PCOLCE2: variants seen among roughly 807,000 people sequenced by gnomAD.
PCOLCE2 encodes the protein procollagen C-endopeptidase enhancer 2.
PCOLCE2 carries 42 observed loss-of-function variants against 47.0 expected under a neutral mutation model. That is an observed-to-expected ratio of 0.89 (90% CI 0.70 to 1.16). The LOEUF (loss-of-function observed/expected upper bound fraction) is 1.16, where lower values mean the gene tolerates loss of function less well. Ranked by LOEUF, PCOLCE2 falls within the 50% of genes most tolerant of loss-of-function variation. The probability of loss-of-function intolerance (pLI) is 0.00; values close to 1 mark genes in which losing one functional copy is unlikely to be tolerated. For missense variants in PCOLCE2, 500 were observed against 526.1 expected (o/e 0.95, Z 0.49); for synonymous variants, 169 against 191.7 (o/e 0.88, Z 0.98).
intron 2 of PCOLCE2, among the ~76,000 whole-genome samples, chr3:142,882,134 A>G (rs1933633765): frequency 6.6e-6 from 1 of 151,600 alleles, no homozygotes; most frequent in Admixed American, 6.6e-5. Context: ...GGCTCAAGAG[A>G]TCCTCTCATC....
chr3:142,849,747 T>C (rs1937369381), intron 2 of PCOLCE2, among the ~76,000 whole-genome samples: 1 of 152,172 alleles, frequency 6.6e-6, no homozygotes, highest in South Asian at 2.1e-4. Context: ...ATAACAAAAC[T>C]CAGTGATTAA....
chr3:142,843,455 G>A (rs1047586535), intron 3 of PCOLCE2: 1 of 312,800 alleles, frequency 3.2e-6, no homozygotes, highest in Non-Finnish European at 6.2e-6. Context: ...GATATAGACA[G>A]CTCTCATTAC....
intron 5 of PCOLCE2, among the ~76,000 whole-genome samples, chr3:142,832,117 T>C (rs1319149062): frequency 6.6e-6 from 1 of 152,254 alleles, no homozygotes; most frequent in Non-Finnish European, 1.5e-5. Context: ...ATAGTCTTCC[T>C]GTCCTTCAGT....
At chr3:142,852,858 A>G (rs960814924) in intron 2 of PCOLCE2, among the ~76,000 whole-genome samples, 7 of 151,570 alleles carry the variant, frequency 4.6e-5, no homozygotes, top group Admixed American at 2.6e-4. Context: ...TAATCTTAAT[A>G]CTTTGGGAGG....
chr3:142,865,991 AT>A (rs1933275371), intron 2 of PCOLCE2, among the ~76,000 whole-genome samples: 2 of 152,222 alleles, frequency 1.3e-5, no homozygotes, highest in African/African-American at 4.8e-5. Context: ...GAGTCCAGAA[AT>A]AGACCCACAC....
At chr3:142,871,005 T>C (rs1176823450) in intron 2 of PCOLCE2, among the ~76,000 whole-genome samples, 1 of 152,210 alleles carries the variant, frequency 6.6e-6, no homozygotes, top group Non-Finnish European at 1.5e-5. Flanking sequence ...GGGTCTAATG[T>C]ATAGCTGAGC....
chr3:142,839,233 A>G (rs75650836), intron 4 of PCOLCE2, among the ~76,000 whole-genome samples: 2,801 of 152,302 alleles, frequency 0.018, 37 homozygotes, highest in Non-Finnish European at 0.03. Context: ...TAAGACTATA[A>G]TTGGTTTTGG....
Position 142,851,997 on chromosome 3 carries a change from A to G in PCOLCE2, c.193-3525T>C, listed in dbSNP as rs558951663. ...AATGAAAATTTGAGAATGAGACACA[A>G]ATATGATCAGCAATAGAAACTGGGT... On this transcript the variant is annotated intron_variant, in intron 2 of 8. Coordinates refer to ENST00000295992, the MANE Select transcript of PCOLCE2 (RefSeq NM_013363.4). Among the ~76,000 whole-genome samples, 5 of 152,312 alleles carry G rather than the reference A, an allele frequency of 3.3e-5. No homozygotes were observed. In the East Asian group the frequency reaches 7.7e-4, roughly 23 times the overall value.
At chr3:142,878,629 C>T (rs544505400) in intron 2 of PCOLCE2, among the ~76,000 whole-genome samples, 19 of 152,224 alleles carry the variant, frequency 1.2e-4, no homozygotes, top group African/African-American at 2.6e-4. Context: ...GAGACCAAGG[C>T]GGGCCGACTG....
In PCOLCE2 at chr3:142,842,800, C is replaced by G; in HGVS notation, c.573+124G>C. On this transcript the variant is annotated intron_variant, in intron 4 of 8. Coordinates refer to ENST00000295992, the MANE Select transcript of PCOLCE2 (RefSeq NM_013363.4). The surrounding 1 kb of genome is among the most constrained non-coding windows in gnomAD (Gnocchi z 4.1). ...AGAAATACCTGTGTCCAGGAACCTT[C>G]CTCTTCTTGTATCCCTTAGCTCTCG... is the stretch of plus-strand genomic sequence containing the variant. 1.1e-6 allele frequency: 1 copy of G among 902,354 alleles called. No individual in the cohort carries two copies. The highest frequency in any genetic ancestry group is 2.5e-5 in the East Asian group (1 of 40,540). 55.9% of individuals were successfully genotyped at this position (902,354 alleles called of 1,614,324 possible). A position where few individuals can be genotyped will look rare whatever the true frequency, so the allele number is the denominator to read the frequency against.
intron 8 of PCOLCE2, 70 bp from the exon 9 acceptor site, chr3:142,818,535 G>T: frequency 9.0e-7 from 1 of 1,116,080 alleles, no homozygotes; most frequent in African/African-American, 1.5e-5. Flanking sequence ...TAGACTGTAA[G>T]TTACCTCTAG....
chr3:142,852,320 G>A (rs756017186), intron 2 of PCOLCE2, among the ~76,000 whole-genome samples: 1 of 152,104 alleles, frequency 6.6e-6, no homozygotes, highest in Non-Finnish European at 1.5e-5. Flanking sequence ...AAGGACTTTA[G>A]AGAGCATATT....
At chr3:142,852,066 G>A (rs902542586) in intron 2 of PCOLCE2, among the ~76,000 whole-genome samples, 19 of 152,188 alleles carry the variant, frequency 1.2e-4, no homozygotes, top group African/African-American at 4.3e-4. Flanking sequence ...GAACAACCCC[G>A]ACAAAGCTTC....
chr3:142,882,342 G>A (rs1478851325), intron 2 of PCOLCE2, among the ~76,000 whole-genome samples: 1 of 151,956 alleles, frequency 6.6e-6, no homozygotes, highest in Non-Finnish European at 1.5e-5. Flanking sequence ...CACCAGGCCT[G>A]GCCTCTCCCA....
At chr3:142,869,318 C>A (rs1045185924) in intron 2 of PCOLCE2, among the ~76,000 whole-genome samples, 1 of 151,724 alleles carries the variant, frequency 6.6e-6, no homozygotes, top group Admixed American at 6.6e-5. Flanking sequence ...AAAACAGAGA[C>A]CTTAAGACTG....
intron 5 of PCOLCE2, among the ~76,000 whole-genome samples, chr3:142,834,410 TAGCTCTTTTA>T (rs2108190045): frequency 6.6e-6 from 1 of 152,338 alleles, no homozygotes; most frequent in South Asian, 2.1e-4. Flanking sequence ...TCCATTTATT[TAGCTCTTTTA>T]AAATATATTT....
chr3:142,868,371 C>T (rs1014141154), intron 2 of PCOLCE2, among the ~76,000 whole-genome samples: 1 of 152,210 alleles, frequency 6.6e-6, no homozygotes, highest in Admixed American at 6.5e-5. Context: ...AAAACTAGTT[C>T]AGCCATGATG....
chr3:142,852,246 G>A (rs931766831), intron 2 of PCOLCE2, among the ~76,000 whole-genome samples: 4 of 152,124 alleles, frequency 2.6e-5, no homozygotes, highest in Admixed American at 2.0e-4. Flanking sequence ...TTTTATATGA[G>A]TGATCAAGAT....
intron 6 of PCOLCE2, among the ~76,000 whole-genome samples, chr3:142,827,898 GC>G (rs1483659448): frequency 2.6e-5 from 4 of 152,144 alleles, no homozygotes; most frequent in Non-Finnish European, 5.9e-5. Flanking sequence ...GTGAACAGTG[GC>G]AGTATCCCCC....
Sources: gnomAD v4.1 joint callset for allele counts (sites outside exome capture counted in the v4.1 genomes callset) on GRCh38, gnomAD v4.1.1 for gene constraint, Gnocchi (gnomAD v3.1) non-coding constraint, MANE v1.5 for transcripts, NCBI Gene and HGNC (gene_info 2026-07-23, HGNC 2026-07-21) for gene names.